Variants in PEX14 observed in about 807,000 individuals in gnomAD.
The protein encoded by PEX14 is peroxisomal membrane protein PEX14.
Under a neutral mutation model 49.5 loss-of-function variants are expected in PEX14, and 15 were observed. The ratio of observed to expected loss-of-function variants is 0.30; its 90% CI spans 0.20 to 0.47. The LOEUF (loss-of-function observed/expected upper bound fraction) is 0.47, where lower values mean the gene tolerates loss of function less well. Among genes scored for constraint, PEX14 ranks in the 20% least tolerant of loss-of-function variants. The pLI, the probability that PEX14 is intolerant of heterozygous loss-of-function variation, is 1.00. For synonymous variants in PEX14, 210 were observed against 212.7 expected (o/e 0.99, Z 0.11); for missense variants, 398 against 494.8 (o/e 0.80, Z 1.86).
chr1:10,476,732 C>G (rs1224655090), intron 1 of PEX14, among the ~76,000 whole-genome samples: 1 of 152,082 alleles, frequency 6.6e-6, no homozygotes, highest in Non-Finnish European at 1.5e-5. Flanking sequence ...TTCAAGTGAT[C>G]TGCCCGCCTC....
chr1:10,536,039 A>T (rs1385431212), intron 2 of PEX14, 174 bp from the exon 3 acceptor site: 1 of 630,742 alleles, frequency 1.6e-6, no homozygotes, highest in African/African-American at 1.8e-5. Flanking sequence ...AAGACAGGGA[A>T]ACAACATCGC....
chr1:10,629,905 G>C lies in PEX14; in HGVS notation c.1052G>C (p.Arg351Pro), dbSNP rs960056444. ...DCLGVQREDR[R>P]GGDGQINEQV... Reference sequence around the variant, plus strand: ...CTGGGGGTGCAGAGGGAGGACCGCCGGGGCGGGGATGGGCAGATCAACGAG... The same window carrying C: ...CTGGGGGTGCAGAGGGAGGACCGCCCGGGCGGGGATGGGCAGATCAACGAG... Residue 351 changes from arginine (R) to proline (P), a missense_variant, in exon 9 of 9, where the codon CGG becomes CCG. Coordinates refer to ENST00000356607, the MANE Select transcript of PEX14 (RefSeq NM_004565.3). This position sits in a 1 kb window ranked among gnomAD's most constrained non-coding sequence, Gnocchi z 8.5. The C allele has an allele frequency of 1.9e-6, 3 of 1,613,482 alleles. No homozygotes were observed. Among genetic ancestry groups the C allele is most frequent in the Non-Finnish European group, 2.5e-6 (3 of 1,179,848 alleles).
intron 4 of PEX14, among the ~76,000 whole-genome samples, chr1:10,608,557 G>A (rs1405855438): frequency 6.6e-6 from 1 of 151,952 alleles, no homozygotes; most frequent in East Asian, 1.9e-4. Context: ...AGCTACTCAG[G>A]AGGCTGAGGC....
intron 3 of PEX14, among the ~76,000 whole-genome samples, chr1:10,598,075 C>G (rs1640877441): frequency 6.6e-6 from 1 of 152,222 alleles, no homozygotes; most frequent in African/African-American, 2.4e-5. Flanking sequence ...CTGTGGGCCT[C>G]TAATGGAGAG....
intron 1 of PEX14, among the ~76,000 whole-genome samples, chr1:10,488,022 C>A (rs567283422): frequency 9.9e-5 from 15 of 152,026 alleles, no homozygotes; most frequent in Non-Finnish European, 2.1e-4. Flanking sequence ...CTCAAGTTAT[C>A]TACCTGCCTC....
chr1:10,481,681 C>G lies in PEX14; in HGVS notation c.36+6679C>G, dbSNP rs1471293146. On this transcript the variant is annotated intron_variant, in intron 1 of 8. Coordinates refer to ENST00000356607, the MANE Select transcript of PEX14 (RefSeq NM_004565.3). Reference sequence around the variant, plus strand: ...TGAACTCCTGACCTCAAGTGAGCCTCCCACCTCAGTCTCCCAGGCTTCTTT... The same window carrying G: ...TGAACTCCTGACCTCAAGTGAGCCTGCCACCTCAGTCTCCCAGGCTTCTTT... 2.6e-5 allele frequency among the ~76,000 whole-genome samples: 4 copies of G among 152,012 alleles called. No individual in the cohort carries two copies. The East Asian group carries it at 7.7e-4, about 29-fold the overall frequency.
chr1:10,504,151 C>T (rs550155358), intron 2 of PEX14, among the ~76,000 whole-genome samples: 1 of 152,346 alleles, frequency 6.6e-6, no homozygotes, highest in South Asian at 2.1e-4. Flanking sequence ...CTGTGAGAAA[C>T]CGCAGGAAGA....
chr1:10,550,007 G>T (rs530277070), intron 3 of PEX14, among the ~76,000 whole-genome samples: 1 of 152,200 alleles, frequency 6.6e-6, no homozygotes, highest in South Asian at 2.1e-4. Flanking sequence ...ATCTTACAAG[G>T]CATGGTGCTG....
rs1228837115 is a variant in PEX14, at chr1:10,517,704, TA to T, written c.85-18506del. On this transcript the variant is annotated intron_variant, in intron 2 of 8. Coordinates refer to ENST00000356607, the MANE Select transcript of PEX14 (RefSeq NM_004565.3). ...CAGAACCTGTGATTTTTTTTTTTTTTAAATGAAGGTTACACCCTGTGACCGA... is the reference window on the plus strand; with the variant it reads ...CAGAACCTGTGATTTTTTTTTTTTTTAATGAAGGTTACACCCTGTGACCGA... Among the ~76,000 whole-genome samples, 7 of 142,968 alleles carry T rather than the reference TA, an allele frequency of 4.9e-5. No homozygotes were observed. In the East Asian group the frequency reaches 8.3e-4, roughly 17 times the overall value. The allele number at this position is 142,968 out of a possible 152,430, so 93.8% of individuals were successfully genotyped here.
At chr1:10,508,520 C>T (rs1261617510) in intron 2 of PEX14, among the ~76,000 whole-genome samples, 6 of 152,098 alleles carry the variant, frequency 3.9e-5, no homozygotes, top group Non-Finnish European at 7.4e-5. Flanking sequence ...AGATTGGGGG[C>T]CCAAGACTGA....
rs1027888034 is a variant in PEX14, at chr1:10,623,638, T to C, written c.487+517T>C. Among the ~76,000 whole-genome samples, 18 of 152,188 alleles carry C rather than the reference T, an allele frequency of 1.2e-4. No individual in the cohort carries two copies. The highest frequency in any genetic ancestry group is 2.2e-4 in the Non-Finnish European group (15 of 68,026). ...CGCGCCAGAGGTGGCTTCTCTTCTT[T>C]ATAAACTTGTTTACTAGACGGCAGC... On this transcript the variant is annotated intron_variant, in intron 6 of 8. Coordinates refer to ENST00000356607, the MANE Select transcript of PEX14 (RefSeq NM_004565.3). This position sits in a 1 kb window ranked among gnomAD's most constrained non-coding sequence, Gnocchi z 4.4.
chr1:10,602,112 A>G (rs1035240300), intron 4 of PEX14, among the ~76,000 whole-genome samples: 13 of 152,176 alleles, frequency 8.5e-5, no homozygotes, highest in Admixed American at 2.6e-4. Flanking sequence ...GGGAGGGGCA[A>G]TTCAGTTATT....
At chr1:10,533,621 C>T (rs926352170) in intron 2 of PEX14, among the ~76,000 whole-genome samples, 1 of 152,218 alleles carries the variant, frequency 6.6e-6, no homozygotes, top group African/African-American at 2.4e-5. Flanking sequence ...CATTCCCTCT[C>T]TGCAGCCACT....
intron 3 of PEX14, among the ~76,000 whole-genome samples, chr1:10,571,442 G>A (rs1639974894): frequency 6.6e-6 from 1 of 152,110 alleles, no homozygotes; most frequent in Admixed American, 6.6e-5. Flanking sequence ...AAGATGAAGA[G>A]TTCTAGAGAT....
Position 10,623,626 on chromosome 1 carries a change from G to T in PEX14, c.487+505G>T, listed in dbSNP as rs190775. 0.19 allele frequency among the ~76,000 whole-genome samples: 29,614 copies of T among 152,102 alleles called. 3,435 individuals carry two copies. Among genetic ancestry groups the T allele is most frequent in the African/African-American group, 0.31 (12,995 of 41,462 alleles). On this transcript the variant is annotated intron_variant, in intron 6 of 8. Transcript: ENST00000356607. The surrounding 1 kb of genome is among the most constrained non-coding windows in gnomAD (Gnocchi z 4.4). ...GCTGGGACCTGTCGCGCCAGAGGTG[G>T]CTTCTCTTCTTTATAAACTTGTTTA...
chr1:10,561,465 A>G (rs1639651711), intron 3 of PEX14, among the ~76,000 whole-genome samples: 1 of 152,188 alleles, frequency 6.6e-6, no homozygotes, highest in South Asian at 2.1e-4. Flanking sequence ...TCCTCTTGAT[A>G]AGATTAAGAT....
At chr1:10,540,829 G>T (rs755311934) in intron 3 of PEX14, among the ~76,000 whole-genome samples, 1 of 152,070 alleles carries the variant, frequency 6.6e-6, no homozygotes, top group African/African-American at 2.4e-5. Flanking sequence ...AAACTCCTGC[G>T]GCTGAGCTGG....
At chr1:10,627,848 C>T (rs910601496) in intron 8 of PEX14, among the ~76,000 whole-genome samples, 2 of 152,236 alleles carry the variant, frequency 1.3e-5, no homozygotes, top group South Asian at 2.1e-4. Context: ...CCCTCTGTAG[C>T]GACAGCACAT....
intron 4 of PEX14, among the ~76,000 whole-genome samples, chr1:10,614,971 G>C (rs1184706446): frequency 6.6e-6 from 1 of 152,238 alleles, no homozygotes. Context: ...GCTCCTTGGG[G>C]TCGAGGTGAA....
Sources: gnomAD v4.1 joint callset for allele counts (sites outside exome capture counted in the v4.1 genomes callset) on GRCh38, gnomAD v4.1.1 for gene constraint, Gnocchi (gnomAD v3.1) non-coding constraint, MANE v1.5 for transcripts, NCBI Gene and HGNC (gene_info 2026-07-23, HGNC 2026-07-21) for gene names.